Variants in CD164 observed in about 807,000 individuals in gnomAD.
The protein encoded by CD164 is sialomucin core protein 24.
Under a neutral mutation model 24.6 loss-of-function variants are expected in CD164, and 11 were observed. The ratio of observed to expected loss-of-function variants is 0.45; its 90% CI spans 0.28 to 0.74. The LOEUF (loss-of-function observed/expected upper bound fraction) is 0.74, where lower values mean the gene tolerates loss of function less well. Among genes scored for constraint, CD164 ranks in the 30% least tolerant of loss-of-function variants. The pLI is 0.13. For missense variants in CD164, 295 were observed against 243.7 expected (o/e 1.21, Z -1.40); for synonymous variants, 126 against 100.3 (o/e 1.26, Z -1.53).
At chr6:109,371,016 T>C (rs1562236484) in intron 4 of CD164, 1 of 152,732 alleles carries the variant, frequency 6.5e-6, no homozygotes, top group African/African-American at 2.4e-5. Context: ...AATAAAGCTT[T>C]ATAAGAACAG....
chr6:109,377,823 G>T, intron 3 of CD164, 77 bp downstream of exon 3: 2 of 1,047,782 alleles, frequency 1.9e-6, no homozygotes, highest in Non-Finnish European at 3.0e-6. Context: ...ACAAAGCACT[G>T]AAACAAGGCT....
chr6:109,372,074 T>G (rs1390066864), intron 4 of CD164: 1 of 152,206 alleles, frequency 6.6e-6, no homozygotes, highest in Non-Finnish European at 1.5e-5. Flanking sequence ...GTGATATGCT[T>G]AACCCACGAA....
intron 1 of CD164, 152 bp from the exon 2 acceptor site, chr6:109,379,814 A>T: frequency 1.7e-6 from 1 of 591,038 alleles, no homozygotes; most frequent in Non-Finnish European, 2.9e-6. Flanking sequence ...CTGGTTTACT[A>T]AGAAATTCCA....
At chr6:109,382,112 TGGCCCGAACCCG>T (rs1771790328) in intron 1 of CD164, 80 bp downstream of exon 1, 3 of 1,159,544 alleles carry the variant, frequency 2.6e-6, no homozygotes, top group Non-Finnish European at 3.3e-6. Flanking sequence ...CGCCCGACCG[TGGCCCGAACCCG>T]GGCCCCGCCC....
chr6:109,375,975 A>C (rs1181956823), intron 4 of CD164, 99 bp downstream of exon 4: 6 of 943,874 alleles, frequency 6.4e-6, no homozygotes, highest in Non-Finnish European at 9.5e-6. Context: ...TCATCTTTAA[A>C]ATTATACTAA....
In CD164 at chr6:109,381,099, A is replaced by G. The variant is rs867582392; in HGVS notation, c.175+1105T>C. Among the ~76,000 whole-genome samples the G allele has an allele frequency of 1.1e-3, 169 of 152,384 alleles. 1 individual carries two copies. The highest frequency in any genetic ancestry group is 3.9e-3 in the African/African-American group (164 of 41,588). On this transcript the variant is annotated intron_variant, in intron 1 of 5. Coordinates refer to ENST00000310786, the MANE Select transcript of CD164 (RefSeq NM_006016.6). ...TTCTTCGGTCAAGAAGCCAATGTTA[A>G]CTACGTAAACATTACTCCTTAACTA...
In CD164 at chr6:109,382,228, G is replaced by C; in HGVS notation, c.151C>G (p.Pro51Ala). ...NVTSAPVTSL[P>A]LVTTPAPETC... ...CCTGGTGCCGGAGTGGTGACCAGCGGGAGGGACGTCACCGGCGCCGAGGTT... is the reference window on the plus strand; with the variant it reads ...CCTGGTGCCGGAGTGGTGACCAGCGCGAGGGACGTCACCGGCGCCGAGGTT... Residue 51 changes from proline (P) to alanine (A), a missense_variant, in exon 1 of 6, where the codon CCG becomes GCG. Transcript: ENST00000310786. 1 of 1,579,958 alleles carries C rather than the reference G, an allele frequency of 6.3e-7. No individual in the cohort carries two copies. Among genetic ancestry groups the C allele is most frequent in the Non-Finnish European group, 8.6e-7 (1 of 1,167,348 alleles).
chr6:109,382,157 C>T, intron 1 of CD164, 47 bp downstream of exon 1: 4 of 1,424,750 alleles, frequency 2.8e-6, no homozygotes, highest in South Asian at 2.9e-5. Flanking sequence ...GGCAGTGCGG[C>T]TCGGCTGGGC....
chr6:109,382,188 C>A lies in CD164; in HGVS notation c.175+16G>T, dbSNP rs1885691. ...TGGGCAGGGGAGGGCGGGAAGCCCA[C>A]AGGGCCCGCGCCCACCTGGTGCCGG... On this transcript the variant is annotated intron_variant, in intron 1 of 5. Coordinates refer to ENST00000310786, the MANE Select transcript of CD164 (RefSeq NM_006016.6). 2 of 1,523,182 alleles carry A rather than the reference C, an allele frequency of 1.3e-6. No individual in the cohort carries two copies. The highest frequency in any genetic ancestry group is 5.1e-5 in the East Asian group (2 of 38,956). The allele number at this position is 1,523,182 out of a possible 1,614,324, so 94.4% of individuals were successfully genotyped here.
At chr6:109,369,922 A>G (rs934136786) in intron 5 of CD164, among the ~76,000 whole-genome samples, 3 of 152,216 alleles carry the variant, frequency 2.0e-5, no homozygotes, top group African/African-American at 7.2e-5. Flanking sequence ...ATTATGTCAA[A>G]TCATCATTTA....
chr6:109,374,106 C>T (rs9487077), intron 4 of CD164, among the ~76,000 whole-genome samples: 6,929 of 152,226 alleles, frequency 0.046, 191 homozygotes, highest in South Asian at 0.093. Context: ...TCCCTATTTC[C>T]TCCCGTCTTC....
Position 109,382,025 on chromosome 6 carries a change from C to A in CD164, c.175+179G>T, listed in dbSNP as rs891584044. The A allele has an allele frequency of 8.4e-6, 4 of 478,088 alleles. No individual in the cohort carries two copies. The East Asian group carries it at 1.2e-4, about 14-fold the overall frequency. The allele number at this position is 478,088 out of a possible 1,614,324, so 29.6% of individuals were successfully genotyped here. A position where few individuals can be genotyped will look rare whatever the true frequency, so the allele number is the denominator to read the frequency against. ...CGCTTCCCCCCAGCGCGCTCCCCAC[C>A]CGGCCCGGCCACGAGTGGACTCCAG... On this transcript the variant is annotated intron_variant, in intron 1 of 5. Coordinates refer to ENST00000310786, the MANE Select transcript of CD164 (RefSeq NM_006016.6).
At chr6:109,380,862 T>C (rs894389211) in intron 1 of CD164, among the ~76,000 whole-genome samples, 1 of 152,238 alleles carries the variant, frequency 6.6e-6, no homozygotes, top group Non-Finnish European at 1.5e-5. Context: ...AAACATATTC[T>C]GCTCTATCAT....
At chr6:109,370,527 T>C in intron 4 of CD164, 60 bp from the exon 5 acceptor site, 1 of 1,415,270 alleles carries the variant, frequency 7.1e-7, no homozygotes, top group Non-Finnish European at 9.8e-7. Flanking sequence ...CCCAGTTATC[T>C]AACAGCTTTA....
intron 1 of CD164, chr6:109,381,681 C>A: frequency 1.5e-6 from 1 of 675,132 alleles, no homozygotes; most frequent in Non-Finnish European, 2.7e-6. Context: ...CCTTCTCAGA[C>A]TCAAGTCTGA....
At chr6:109,382,092 G>A (rs900704076) in intron 1 of CD164, 112 bp downstream of exon 1, 8 of 958,962 alleles carry the variant, frequency 8.3e-6, no homozygotes, top group Middle Eastern at 7.5e-4. Flanking sequence ...CACCCCGAGC[G>A]CGGCCCGCCC....
chr6:109,370,805 C>T (rs1451939451), intron 4 of CD164: 2 of 205,022 alleles, frequency 9.8e-6, no homozygotes, highest in Non-Finnish European at 1.9e-5. Context: ...ATAGGTTCTT[C>T]ATAATCTTTC....
At chr6:109,379,391 GGA>G (rs1489374983) in intron 2 of CD164, among the ~76,000 whole-genome samples, 186 bp downstream of exon 2, 2 of 152,174 alleles carry the variant, frequency 1.3e-5, no homozygotes, top group Non-Finnish European at 2.9e-5. Flanking sequence ...GAATCTAAAG[GGA>G]GGATGGGAGA....
At chr6:109,369,402 T>C (rs1297664127) in intron 5 of CD164, among the ~76,000 whole-genome samples, 1 of 152,212 alleles carries the variant, frequency 6.6e-6, no homozygotes, top group African/African-American at 2.4e-5. Context: ...TTGAATTTAC[T>C]AGTATAAGGT....
Sources: gnomAD v4.1 joint callset for allele counts (sites outside exome capture counted in the v4.1 genomes callset) on GRCh38, gnomAD v4.1.1 for gene constraint, MANE v1.5 for transcripts, NCBI Gene and HGNC (gene_info 2026-07-23, HGNC 2026-07-21) for gene names.